Variants in ZFPM1 observed in about 807,000 individuals in gnomAD.
The protein encoded by ZFPM1 is zinc finger protein ZFPM1.
ZFPM1 carries 28 observed loss-of-function variants against 46.3 expected under a neutral mutation model. The observed-to-expected ratio is 0.60, with a 90% CI of 0.45 to 0.83. ZFPM1 has a LOEUF of 0.83. ZFPM1 is among the 40% of genes least tolerant of loss of function. The pLI is 0.00. For synonymous variants in ZFPM1, 957 were observed against 675.9 expected, an observed-to-expected ratio of 1.42 and a Z score of -6.45; for missense variants, 1,878 against 1,432.4, an observed-to-expected ratio of 1.31 and a Z score of -5.02.
chr16:88,516,634 C>G, intron 4 of ZFPM1: 1 of 398,678 alleles, frequency 2.5e-6, no homozygotes, highest in Middle Eastern at 6.3e-4. Context: ...AAGATATGCA[C>G]GCCTTTCCGA....
intron 1 of ZFPM1, among the ~76,000 whole-genome samples, chr16:88,485,416 G>A (rs554338131): frequency 7.8e-4 from 118 of 152,010 alleles, no homozygotes; most frequent in African/African-American, 2.5e-3. Flanking sequence ...GCAGAGGGTG[G>A]GGGTTCGTCA....
intron 3 of ZFPM1, among the ~76,000 whole-genome samples, chr16:88,491,902 T>TC (rs1909599925): frequency 1.3e-5 from 2 of 152,112 alleles, no homozygotes; most frequent in Non-Finnish European, 2.9e-5. Context: ...CTGTTATCTC[T>TC]CGGGGCGGCC....
At chr16:88,472,773 A>AT (rs1289779575) in intron 1 of ZFPM1, among the ~76,000 whole-genome samples, 1 of 152,238 alleles carries the variant, frequency 6.6e-6, no homozygotes, top group Non-Finnish European at 1.5e-5. Context: ...GTGGGTCCCC[A>AT]TAACTCCACG....
rs61513864 is a variant in ZFPM1, at chr16:88,489,983, G to A, written c.268+830G>A. 5.0e-3 allele frequency among the ~76,000 whole-genome samples: 755 copies of A among 152,098 alleles called. 5 individuals are homozygous for A. The highest frequency in any genetic ancestry group is 0.017 in the African/African-American group (701 of 41,476). ...CGGGGTGGGGGTCGCAAGGTCCCCC[G>A]TGGAGGAGGGACAGCGTGGGGAGGG... On this transcript the variant is annotated intron_variant, in intron 3 of 9. Transcript: ENST00000319555.
intron 3 of ZFPM1, among the ~76,000 whole-genome samples, chr16:88,498,089 G>A (rs531947768): frequency 4.6e-5 from 7 of 152,264 alleles, no homozygotes; most frequent in Non-Finnish European, 7.4e-5. Flanking sequence ...GGGCCCTGGC[G>A]GATGGCAGGG....
At chr16:88,508,240 T>C (rs1480875318) in intron 3 of ZFPM1, among the ~76,000 whole-genome samples, 1 of 152,148 alleles carries the variant, frequency 6.6e-6, no homozygotes, top group Non-Finnish European at 1.5e-5. Flanking sequence ...GAGGCTGCAG[T>C]GAGCCGAGAT....
intron 3 of ZFPM1, among the ~76,000 whole-genome samples, chr16:88,491,640 C>T (rs1909582012): frequency 6.6e-6 from 1 of 152,192 alleles, no homozygotes; most frequent in African/African-American, 2.4e-5. Flanking sequence ...GGGATGGAGC[C>T]TGGCGCCGGG....
At chr16:88,463,426 C>G (rs1907989261) in intron 1 of ZFPM1, among the ~76,000 whole-genome samples, 1 of 152,238 alleles carries the variant, frequency 6.6e-6, no homozygotes, top group African/African-American at 2.4e-5. Context: ...GGATGTGACC[C>G]CAGGACCTAA....
rs774522035 is a variant in ZFPM1, at chr16:88,533,953, C to T, written c.1995C>T (p.Gly665=). ...EDGAGGRGSE[G]SQSPGSSVDD... ...GCGCGGGCGGCCGGGGCAGCGAGGGCAGCCAGAGCCCGGGTAGCTCCGTGG... is the reference window on the plus strand; with the variant it reads ...GCGCGGGCGGCCGGGGCAGCGAGGGTAGCCAGAGCCCGGGTAGCTCCGTGG... Residue 665 remains glycine (G), a synonymous_variant, in exon 10 of 10, where the codon GGC becomes GGT. Transcript: ENST00000319555. 1 of 1,289,344 alleles carries T rather than the reference C, an allele frequency of 7.8e-7. No individual in the cohort carries two copies. The highest frequency in any genetic ancestry group is 1.0e-6 in the Non-Finnish European group (1 of 998,640). The allele number at this position is 1,289,344 out of a possible 1,614,324, so 79.9% of individuals were successfully genotyped here. A position where few individuals can be genotyped will look rare whatever the true frequency, so the allele number is the denominator to read the frequency against.
intron 1 of ZFPM1, among the ~76,000 whole-genome samples, chr16:88,477,262 C>T (rs886276251): frequency 1.3e-5 from 2 of 152,250 alleles, no homozygotes; most frequent in African/African-American, 4.8e-5. Context: ...GGCCCCGGGT[C>T]AGCGGAGAAG....
chr16:88,519,256 G>A (rs1475398330), intron 4 of ZFPM1, among the ~76,000 whole-genome samples: 1 of 151,078 alleles, frequency 6.6e-6, no homozygotes, highest in Admixed American at 6.6e-5. Flanking sequence ...TGGATGGATA[G>A]ATGGATGAGT....
chr16:88,531,890 G>A (rs1291503379), intron 6 of ZFPM1, 112 bp from the exon 7 acceptor site: 1 of 1,033,862 alleles, frequency 9.7e-7, no homozygotes, highest in Non-Finnish European at 1.4e-6. Context: ...TCAGCTCCTG[G>A]GGTGGGGAGG....
In ZFPM1 at chr16:88,468,535, G is replaced by C. The variant is rs559742811; in HGVS notation, c.40+14857G>C. 1.9e-4 allele frequency among the ~76,000 whole-genome samples: 29 copies of C among 152,156 alleles called. 1 individual carries two copies. The East Asian group carries it at 5.6e-3, about 30-fold the overall frequency. ...CTTGGACCAGTATCTTTCCCACTCA[G>C]AGTCATCCCTGAATGGATGTCAGGG... On this transcript the variant is annotated intron_variant, in intron 1 of 9. Transcript: ENST00000319555.
intron 6 of ZFPM1, 144 bp from the exon 7 acceptor site, chr16:88,531,858 G>A: frequency 1.3e-6 from 1 of 742,040 alleles, no homozygotes; most frequent in Non-Finnish European, 2.2e-6. Flanking sequence ...GAGGCTTACA[G>A]TTACAGGAAG....
intron 4 of ZFPM1, among the ~76,000 whole-genome samples, chr16:88,514,800 AGAG>A (rs908914017): frequency 1.4e-4 from 21 of 152,340 alleles, no homozygotes; most frequent in African/African-American, 4.8e-4. Flanking sequence ...GCATTGAAGC[AGAG>A]GAGAAGAGCA....
intron 1 of ZFPM1, among the ~76,000 whole-genome samples, chr16:88,456,667 A>T (rs961768674): frequency 4.6e-5 from 7 of 152,110 alleles, no homozygotes; most frequent in Middle Eastern, 3.4e-3. Flanking sequence ...CTGTCGGGGG[A>T]GCAAGGGCTG....
chr16:88,498,854 G>A (rs906756558), intron 3 of ZFPM1, among the ~76,000 whole-genome samples: 4 of 152,202 alleles, frequency 2.6e-5, no homozygotes, highest in Non-Finnish European at 5.9e-5. Context: ...GGTCGTTGGC[G>A]TGGACACCTT....
At chr16:88,496,360 G>C (rs570579071) in intron 3 of ZFPM1, among the ~76,000 whole-genome samples, 150 of 152,194 alleles carry the variant, frequency 9.9e-4, no homozygotes, top group Middle Eastern at 3.4e-3. Context: ...GGGCAGAGTG[G>C]GGCTGGGTTG....
At chr16:88,493,663 G>GGAGCTGTCCCGGGTTGCGGA (rs1235967181) in intron 3 of ZFPM1, among the ~76,000 whole-genome samples, 1 of 128,842 alleles carries the variant, frequency 7.8e-6, no homozygotes, top group East Asian at 2.6e-4. Flanking sequence ...CGGGGTGCGG[G>GGAGCTGTCCCGGGTTGCGGA]GAGCTGTCCC....
Sources: gnomAD v4.1 joint callset for allele counts (sites outside exome capture counted in the v4.1 genomes callset) on GRCh38, gnomAD v4.1.1 for gene constraint, MANE v1.5 for transcripts, NCBI Gene and HGNC (gene_info 2026-07-23, HGNC 2026-07-21) for gene names.